Variants in ERCC8 observed in about 807,000 individuals in gnomAD.
The protein encoded by ERCC8 is DNA excision repair protein ERCC-8.
ERCC8 carries 52 observed loss-of-function variants against 54.9 expected under a neutral mutation model. The ratio of observed to expected loss-of-function variants is 0.95; its 90% CI spans 0.76 to 1.19. ERCC8 has a LOEUF of 1.19. Among genes scored for constraint, ERCC8 ranks in the 50% most tolerant of loss-of-function variants. The pLI is 0.00. For synonymous variants in ERCC8, 146 were observed against 157.2 expected, an observed-to-expected ratio of 0.93 and a Z score of 0.53; for missense variants, 514 against 466.1, an observed-to-expected ratio of 1.10 and a Z score of -0.95.
intron 11 of ERCC8, among the ~76,000 whole-genome samples, chr5:60,879,921 G>A (rs1287482044): frequency 2.6e-5 from 4 of 152,166 alleles, no homozygotes; most frequent in Non-Finnish European, 5.9e-5. Flanking sequence ...ACATTAGCTG[G>A]TTATTTTGCT....
chr5:60,908,347 T>A (rs1749140356), intron 4 of ERCC8, among the ~76,000 whole-genome samples: 2 of 151,818 alleles, frequency 1.3e-5, no homozygotes, highest in African/African-American at 2.4e-5. Context: ...GAGGCACAAA[T>A]CTGTATATTC....
chr5:60,886,161 C>T (rs370494217), intron 11 of ERCC8, among the ~76,000 whole-genome samples: 1 of 151,382 alleles, frequency 6.6e-6, no homozygotes, highest in Non-Finnish European at 1.5e-5. Context: ...GAGAATAAAC[C>T]TTGGTGGGAG....
chr5:60,868,478 A>C lies in ERCC8; in HGVS notation c.*6137T>G, dbSNP rs1037994297. On this transcript the variant is annotated 3_prime_UTR_variant, in exon 12 of 12. Coordinates refer to ENST00000676185, the MANE Select transcript of ERCC8 (RefSeq NM_000082.4). ...AAGAGAGGTCGCAACATAGTTCTTT[A>C]ATTTTACCCCCTTCCTTTGAAATTT... 6.6e-6 allele frequency among the ~76,000 whole-genome samples: 1 copy of C among 152,166 alleles called. No individual in the cohort carries two copies. The highest frequency in any genetic ancestry group is 2.4e-5 in the African/African-American group (1 of 41,444).
intron 1 of ERCC8, among the ~76,000 whole-genome samples, chr5:60,934,161 ACT>A (rs1389858794): frequency 6.6e-6 from 1 of 152,134 alleles, no homozygotes; most frequent in African/African-American, 2.4e-5. Context: ...GAATCTCCAC[ACT>A]GTTTTCCATA....
intron 10 of ERCC8, among the ~76,000 whole-genome samples, chr5:60,890,330 C>T (rs898821382): frequency 6.6e-6 from 1 of 152,094 alleles, no homozygotes; most frequent in African/African-American, 2.4e-5. Flanking sequence ...TAAAGAAGTG[C>T]ATGAGGTAAT....
At chr5:60,912,381 G>T (rs1010084007) in intron 4 of ERCC8, among the ~76,000 whole-genome samples, 2 of 151,940 alleles carry the variant, frequency 1.3e-5, no homozygotes, top group Non-Finnish European at 2.9e-5. Flanking sequence ...CTCATGATTT[G>T]GGTCTCTGTT....
intron 11 of ERCC8, among the ~76,000 whole-genome samples, chr5:60,881,476 G>A (rs574021616): frequency 3.0e-4 from 46 of 152,294 alleles, no homozygotes; most frequent in South Asian, 2.9e-3. Flanking sequence ...TACAGAGGCC[G>A]GCAGGCCTCC....
chr5:60,932,287 G>C (rs1393503534), intron 1 of ERCC8: 2 of 152,194 alleles, frequency 1.3e-5, no homozygotes, highest in Non-Finnish European at 2.9e-5. Context: ...AAAAAGTTCT[G>C]CTTGCAAGAT....
chr5:60,918,685 A>G (rs1358223137), intron 3 of ERCC8: 2 of 372,520 alleles, frequency 5.4e-6, no homozygotes, highest in South Asian at 5.0e-5. Context: ...GTCTTCTTTC[A>G]TCTTGAAAGA....
Position 60,904,801 on chromosome 5 carries a change from A to G in ERCC8, c.472T>C (p.Leu158=), listed in dbSNP as rs561001438. 8.7e-5 allele frequency: 138 copies of G among 1,595,194 alleles called. No individual in the cohort carries two copies. The Middle Eastern group carries it at 2.0e-3, about 23-fold the overall frequency. ...HMSPVSTKHC[L]VAVGTRGPKV... is the part of the protein sequence containing the mutation. ...GAATACACTTACAAACCTGCTACCA[A>G]ACAGTGCTTGGTGGAGACTGGAGAC... Residue 158 remains leucine, a synonymous_variant, in exon 5 of 12, where the codon TTG becomes CTG. Coordinates refer to ENST00000676185, the MANE Select transcript of ERCC8 (RefSeq NM_000082.4).
At chr5:60,903,504 G>C in intron 6 of ERCC8, 144 bp downstream of exon 6, 1 of 1,361,552 alleles carries the variant, frequency 7.3e-7, no homozygotes, top group Non-Finnish European at 1.0e-6. Flanking sequence ...ATGCACAGAA[G>C]GATCTTTATT....
chr5:60,942,110 T>C (rs1028053972), intron 1 of ERCC8, among the ~76,000 whole-genome samples: 7 of 152,108 alleles, frequency 4.6e-5, no homozygotes, highest in African/African-American at 1.4e-4. Context: ...CAAAAAGATA[T>C]AGTCAAAACC....
rs926425247 is a variant in ERCC8 at position 60,870,710 on chromosome 5, T to C, written c.*3905A>G. Among the ~76,000 whole-genome samples the C allele has an allele frequency of 8.0e-5, 12 of 149,362 alleles. No homozygotes were observed. Among genetic ancestry groups the C allele is most frequent in the African/African-American group, 2.7e-4 (11 of 40,794 alleles). On this transcript the variant is annotated 3_prime_UTR_variant, in exon 12 of 12. Transcript: ENST00000676185. ...AAGAAACATAGAGAGGTCAGTTACATGCAATTTTTAGATAATCCAAAAAAG... is the reference window on the plus strand; with the variant it reads ...AAGAAACATAGAGAGGTCAGTTACACGCAATTTTTAGATAATCCAAAAAAG...
chr5:60,920,514 A>G (rs958831747), intron 3 of ERCC8, among the ~76,000 whole-genome samples: 2 of 152,100 alleles, frequency 1.3e-5, no homozygotes, highest in Admixed American at 6.6e-5. Context: ...GCTCAAGGAC[A>G]AACACATTAA....
intron 1 of ERCC8, among the ~76,000 whole-genome samples, chr5:60,938,040 CATACATACATATATATAT>C (rs1187519691): frequency 0.046 from 1,481 of 32,362 alleles, 80 homozygotes; most frequent in African/African-American, 0.073. Context: ...TACATACATA[CATACATACATATATATAT>C]ATATATATAT....
At chr5:60,901,262 A>AT (rs982546078) in intron 7 of ERCC8, among the ~76,000 whole-genome samples, 7 of 151,576 alleles carry the variant, frequency 4.6e-5, no homozygotes, top group African/African-American at 1.5e-4. Flanking sequence ...CCTTTTTGTG[A>AT]TTTTTTTCCT....
At chr5:60,933,207 C>CTT (rs796407596) in intron 1 of ERCC8, among the ~76,000 whole-genome samples, 5 of 119,674 alleles carry the variant, frequency 4.2e-5, no homozygotes, top group Non-Finnish European at 5.1e-5. Context: ...GCATTTTTTC[C>CTT]TTTTTTTTCT....
Position 60,869,147 on chromosome 5 carries a change from G to A in ERCC8, c.*5468C>T, listed in dbSNP as rs1563903. 0.064 allele frequency among the ~76,000 whole-genome samples: 9,678 copies of A among 152,146 alleles called. 1,024 individuals are homozygous for A. Among genetic ancestry groups the A allele is most frequent in the African/African-American group, 0.22 (9,211 of 41,500 alleles). On this transcript the variant is annotated 3_prime_UTR_variant, in exon 12 of 12. Coordinates refer to ENST00000676185, the MANE Select transcript of ERCC8 (RefSeq NM_000082.4). ...TAAAAATTATAGAATTCACAGAAACGTCTTTAGCTTCTCTAGTCTTCAGTA... is the reference window on the plus strand; with the variant it reads ...TAAAAATTATAGAATTCACAGAAACATCTTTAGCTTCTCTAGTCTTCAGTA...
intron 11 of ERCC8, among the ~76,000 whole-genome samples, chr5:60,879,521 T>A (rs1748134401): frequency 6.6e-6 from 1 of 152,214 alleles, no homozygotes; most frequent in Non-Finnish European, 1.5e-5. Context: ...TTTTTAGGTC[T>A]CTAAGGACTT....
Sources: allele counts gnomAD v4.1 joint callset (sites outside exome capture counted in the v4.1 genomes callset), GRCh38; gene constraint gnomAD v4.1.1; transcripts MANE v1.5; gene names NCBI Gene and HGNC (gene_info 2026-07-23, HGNC 2026-07-21).